Variants in KIF13A observed in about 807,000 individuals in gnomAD.
KIF13A encodes kinesin family member 13A.
In KIF13A, 79 loss-of-function variants were observed where a neutral mutation model predicts 212.2. The ratio of observed to expected loss-of-function variants is 0.37; its 90% CI spans 0.31 to 0.45. The LOEUF (loss-of-function observed/expected upper bound fraction) is 0.45. KIF13A is among the 20% of genes least tolerant of loss of function. The pLI, the probability that KIF13A is intolerant of heterozygous loss-of-function variation, is 1.00. For synonymous variants in KIF13A, 789 were observed against 808.6 expected, an observed-to-expected ratio of 0.98 and a Z score of 0.41; for missense variants, 1,901 against 2,209.0, an observed-to-expected ratio of 0.86 and a Z score of 2.79.
At chr6:17,819,032 C>T (rs1764200433) in intron 16 of KIF13A, among the ~76,000 whole-genome samples, 1 of 138,140 alleles carries the variant, frequency 7.2e-6, no homozygotes. Context: ...CGGAGTTTCG[C>T]TCTGTTGCCC....
intron 3 of KIF13A, among the ~76,000 whole-genome samples, chr6:17,884,910 C>G (rs933316555): frequency 2.6e-5 from 4 of 152,148 alleles, no homozygotes; most frequent in Admixed American, 2.0e-4. Flanking sequence ...TTGTGGTTTT[C>G]AACTTTGTCA....
rs970143876 is a variant in KIF13A at position 17,850,600 on chromosome 6, A to G, written c.583-143T>C. On this transcript the variant is annotated intron_variant, in intron 7 of 38. Coordinates refer to ENST00000259711, the MANE Select transcript of KIF13A (RefSeq NM_022113.6). This position sits in a 1 kb window ranked among gnomAD's most constrained non-coding sequence, Gnocchi z 6.2. ...AAACCTCCCTGCCGCTCCTCCATTGAGCATGGTTTGAGCTTCCACCTCACT... is the reference window on the plus strand; with the variant it reads ...AAACCTCCCTGCCGCTCCTCCATTGGGCATGGTTTGAGCTTCCACCTCACT... 2 of 759,404 alleles carry G rather than the reference A, an allele frequency of 2.6e-6. No individual in the cohort carries two copies. Among genetic ancestry groups the G allele is most frequent in the Non-Finnish European group, 4.0e-6 (2 of 497,378 alleles). The allele number at this position is 759,404 out of a possible 1,614,324, so 47.0% of individuals were successfully genotyped here. A position where few individuals can be genotyped will look rare whatever the true frequency, so the allele number is the denominator to read the frequency against.
At position 17,971,430 on chromosome 6, in the gene KIF13A, C is replaced by CT. The variant is rs926969519; in HGVS notation, c.146+15623dup. Among the ~76,000 whole-genome samples the CT allele has an allele frequency of 2.1e-3, 312 of 150,200 alleles. No homozygotes were observed. The highest frequency in any genetic ancestry group is 3.4e-3 in the Middle Eastern group (1 of 292). The stretch of plus-strand genomic sequence containing the variant: ...AATTTAGTAGCGGTTTGTTTTTTTC[C>CT]TTTTTTTTTGACACAGGGTCTCACT... On this transcript the variant is annotated intron_variant, in intron 2 of 38. Transcript: ENST00000259711. The surrounding 1 kb of genome is among the most constrained non-coding windows in gnomAD (Gnocchi z 4.2).
At chr6:17,836,521 T>C (rs1199991608) in intron 11 of KIF13A, among the ~76,000 whole-genome samples, 1 of 152,236 alleles carries the variant, frequency 6.6e-6, no homozygotes, top group African/African-American at 2.4e-5. Flanking sequence ...CAATAAACAC[T>C]GAAGTGCTGA....
Position 17,794,171 on chromosome 6 carries a change from T to C in KIF13A, c.3222+78A>G. On this transcript the variant is annotated intron_variant, in intron 25 of 38. Coordinates refer to ENST00000259711, the MANE Select transcript of KIF13A (RefSeq NM_022113.6). The surrounding 1 kb of genome is among the most constrained non-coding windows in gnomAD (Gnocchi z 4.1). ...CTACGGTTAAGGCAAAGAGTTCTGT[T>C]ATATTGGCAAAGAGGTCCCCCTGGG... 8.8e-7 allele frequency: 1 copy of C among 1,140,238 alleles called. No individual in the cohort carries two copies. Among genetic ancestry groups the C allele is most frequent in the Non-Finnish European group, 1.3e-6 (1 of 788,940 alleles). The allele number at this position is 1,140,238 out of a possible 1,614,324, so 70.6% of individuals were successfully genotyped here.
At chr6:17,875,003 G>GTACACACACACACACACACACACACA (rs1043521735) in intron 3 of KIF13A, among the ~76,000 whole-genome samples, 1 of 133,320 alleles carries the variant, frequency 7.5e-6, no homozygotes, top group African/African-American at 2.8e-5. Context: ...GCACACGCAC[G>GTACACACACACACACACACACACACA]CACACACACA....
intron 2 of KIF13A, among the ~76,000 whole-genome samples, chr6:17,957,928 A>C (rs1354320524): frequency 6.6e-6 from 1 of 152,174 alleles, no homozygotes. Context: ...CAATGACTTC[A>C]CATACTTTTT....
rs34415921 is a variant in KIF13A, at chr6:17,911,768, A to ATT, written c.147-13590_147-13589dup. Among the ~76,000 whole-genome samples the ATT allele has an allele frequency of 8.7e-3, 1,247 of 143,336 alleles. 21 individuals carry two copies. Among genetic ancestry groups the ATT allele is most frequent in the African/African-American group, 0.029 (1,111 of 38,958 alleles). 94.0% of individuals were successfully genotyped at this position (143,336 alleles called of 152,430 possible). A position where few individuals can be genotyped will look rare whatever the true frequency, so the allele number is the denominator to read the frequency against. The stretch of plus-strand genomic sequence containing the variant: ...AGCAAGGTGACTATAGTCAATAATA[A>ATT]TTTTTTTTTTTTTTGAGACAGATTC... On this transcript the variant is annotated intron_variant, in intron 2 of 38. Transcript: ENST00000259711.
At chr6:17,916,483 A>G (rs1351042450) in intron 2 of KIF13A, among the ~76,000 whole-genome samples, 3 of 152,240 alleles carry the variant, frequency 2.0e-5, no homozygotes, top group Admixed American at 6.5e-5. Context: ...CTGTTATGCT[A>G]CAAACCCCAT....
At chr6:17,873,535 C>T in intron 3 of KIF13A, 98 bp from the exon 4 acceptor site, 1 of 800,196 alleles carries the variant, frequency 1.2e-6, no homozygotes. Flanking sequence ...GAAGGATGGC[C>T]ACTACTGTCT....
At chr6:17,835,087 G>A (rs1301685312) in intron 11 of KIF13A, among the ~76,000 whole-genome samples, 2 of 151,532 alleles carry the variant, frequency 1.3e-5, no homozygotes, top group Non-Finnish European at 2.9e-5. Context: ...TTGGGAGGCT[G>A]AGGCAAAAGA....
rs193138874 is a variant in KIF13A at position 17,789,469 on chromosome 6, T to C, written c.3261+403A>G. On this transcript the variant is annotated intron_variant, in intron 26 of 38. Transcript: ENST00000259711. This position sits in a 1 kb window ranked among gnomAD's most constrained non-coding sequence, Gnocchi z 4.8. ...TTAGCATGGGAAAGATAAGAGTCTA[T>C]CTAAAAGATTATGGATGGATAACTG... 6.6e-6 allele frequency among the ~76,000 whole-genome samples: 1 copy of C among 152,334 alleles called. No individual in the cohort carries two copies. Among genetic ancestry groups the C allele is most frequent in the Non-Finnish European group, 1.5e-5 (1 of 68,028 alleles).
intron 25 of KIF13A, among the ~76,000 whole-genome samples, chr6:17,791,369 C>CTT (rs757391141): frequency 6.6e-5 from 9 of 135,750 alleles, no homozygotes; most frequent in African/African-American, 1.3e-4. Flanking sequence ...GAGAATAATT[C>CTT]TTTTTTTTTT....
Position 17,816,673 on chromosome 6 carries a change from A to G in KIF13A, c.2000+347T>C, listed in dbSNP as rs1164503285. Among the ~76,000 whole-genome samples the G allele has an allele frequency of 6.6e-6, 1 of 152,210 alleles. No individual in the cohort carries two copies. The highest frequency in any genetic ancestry group is 1.5e-5 in the Non-Finnish European group (1 of 68,046). The stretch of plus-strand genomic sequence containing the variant: ...TAATCAGCACTGAAGTTGTATTTAA[A>G]TAGATTCAAAAGTATGAGAAATAAG... On this transcript the variant is annotated intron_variant, in intron 17 of 38. Coordinates refer to ENST00000259711, the MANE Select transcript of KIF13A (RefSeq NM_022113.6). The surrounding 1 kb of genome is among the most constrained non-coding windows in gnomAD (Gnocchi z 4.3).
At chr6:17,823,917 CTT>C (rs60400987) in intron 16 of KIF13A, among the ~76,000 whole-genome samples, 3 of 138,036 alleles carry the variant, frequency 2.2e-5, no homozygotes, top group South Asian at 2.3e-4. Context: ...ATTTAAATTT[CTT>C]TTTTTTTTTT....
chr6:17,812,695 A>G (rs900424422), intron 17 of KIF13A: 2 of 152,196 alleles, frequency 1.3e-5, no homozygotes, highest in Non-Finnish European at 2.9e-5. Context: ...TACATACCCA[A>G]TAGTGAGATG....
rs751348105 is a variant in KIF13A at position 17,805,480 on chromosome 6, G to C, written c.2299C>G (p.Pro767Ala). Reference sequence around the variant, plus strand: ...TTACATTTTGTCTCTTTTACCTCAGGAACTTTTTCCTTCCATTCTTGGTAA... The same window carrying C: ...TTACATTTTGTCTCTTTTACCTCAGCAACTTTTTCCTTCCATTCTTGGTAA... ...DLYQEWKEKV[P>A]EAKRLYGKRG... Residue 767 changes from proline to alanine, a missense_variant, in exon 19 of 39, where the codon CCT becomes GCT. This residue lies in a region of KIF13A where 534 missense variants were observed against 536.9 expected (regional missense o/e 0.99). Coordinates refer to ENST00000259711, the MANE Select transcript of KIF13A (RefSeq NM_022113.6). 6.2e-7 allele frequency: 1 copy of C among 1,612,088 alleles called. No individual in the cohort carries two copies.
At chr6:17,908,475 G>A (rs200112737) in intron 2 of KIF13A, among the ~76,000 whole-genome samples, 4 of 152,032 alleles carry the variant, frequency 2.6e-5, no homozygotes, top group East Asian at 1.9e-4. Flanking sequence ...GTGATGGTGC[G>A]TGCCTATAGT....
At chr6:17,836,632 T>C (rs536452478) in intron 11 of KIF13A, among the ~76,000 whole-genome samples, 21 of 152,278 alleles carry the variant, frequency 1.4e-4, no homozygotes, top group African/African-American at 5.1e-4. Flanking sequence ...TGGCTCATGG[T>C]TCCACAGGCT....
Sources: allele counts gnomAD v4.1 joint callset (sites outside exome capture counted in the v4.1 genomes callset), GRCh38; gene constraint gnomAD v4.1.1; regional missense constraint gnomAD v4.1.1; non-coding constraint Gnocchi (gnomAD v3.1); transcripts MANE v1.5; gene names NCBI Gene and HGNC (gene_info 2026-07-23, HGNC 2026-07-21).